Variants in CNKSR3 observed in about 807,000 individuals in gnomAD.
CNKSR3 encodes the protein connector enhancer of kinase suppressor of ras 3.
In CNKSR3, 36 loss-of-function variants were observed where a neutral mutation model predicts 67.7. The observed-to-expected ratio is 0.53, with a 90% CI of 0.41 to 0.70. The LOEUF is 0.70. Among genes scored for constraint, CNKSR3 ranks in the 30% least tolerant of loss-of-function variants. The pLI is 0.00. For synonymous variants in CNKSR3, 281 were observed against 271.4 expected (o/e 1.04, Z -0.35); for missense variants, 630 against 695.2 (o/e 0.91, Z 1.05).
chr6:154,401,488 A>T lies in CNKSR3; in HGVS notation c.*4866T>A. On this transcript the variant is annotated 3_prime_UTR_variant, in exon 13 of 13. Coordinates refer to ENST00000607772, the MANE Select transcript of CNKSR3 (RefSeq NM_173515.4). ...GAACGGTGAGAAATTTCTGTCATTT[A>T]AGCTACCCAGTGTATGGTATTTTGT... 6.5e-6 allele frequency: 1 copy of T among 152,880 alleles called. No homozygotes were observed. Among genetic ancestry groups the T allele is most frequent in the East Asian group, 1.9e-4 (1 of 5,238 alleles). The allele number at this position is 152,880 out of a possible 1,614,324, so 9.5% of individuals were successfully genotyped here. A position where few individuals can be genotyped will look rare whatever the true frequency, so the allele number is the denominator to read the frequency against.
intron 1 of CNKSR3, among the ~76,000 whole-genome samples, chr6:154,504,042 TA>T (rs1183140341): frequency 6.6e-6 from 1 of 152,216 alleles, no homozygotes; most frequent in Admixed American, 6.5e-5. Flanking sequence ...TCTGCATCTC[TA>T]ACAAGCTCCC....
chr6:154,456,496 G>A (rs1456810506), intron 1 of CNKSR3, among the ~76,000 whole-genome samples: 4 of 149,430 alleles, frequency 2.7e-5, no homozygotes, highest in African/African-American at 4.9e-5. Flanking sequence ...TCAGGAGTTC[G>A]AGACGAGCCT....
At chr6:154,430,722 C>G in intron 5 of CNKSR3, 131 bp from the exon 6 acceptor site, 1 of 793,624 alleles carries the variant, frequency 1.3e-6, no homozygotes, top group African/African-American at 1.7e-5. Flanking sequence ...TAATTCTGCT[C>G]AGTGAATGCA....
intron 1 of CNKSR3, among the ~76,000 whole-genome samples, chr6:154,490,554 C>T (rs1375565943): frequency 6.6e-6 from 1 of 152,110 alleles, no homozygotes; most frequent in Non-Finnish European, 1.5e-5. Context: ...GATACAAATA[C>T]ACACACAGTT....
chr6:154,436,181 C>T (rs1391300406), intron 4 of CNKSR3, among the ~76,000 whole-genome samples: 1 of 152,120 alleles, frequency 6.6e-6, no homozygotes, highest in Non-Finnish European at 1.5e-5. Flanking sequence ...GCTTTCTTCT[C>T]GTGTATGTGA....
chr6:154,395,253 T>C lies in CNKSR3; in HGVS notation c.*11101A>G, dbSNP rs936957934. The C allele has an allele frequency of 2.0e-5, 3 of 152,214 alleles. No homozygotes were observed. The highest frequency in any genetic ancestry group is 7.2e-5 in the African/African-American group (3 of 41,444). 9.4% of individuals were successfully genotyped at this position (152,214 alleles called of 1,614,324 possible). ...CATGTAATGAGTGAAGGGTAGTCTATGTTTCCAGTTAATTCTACAAGAGTG... is the reference window on the plus strand; with the variant it reads ...CATGTAATGAGTGAAGGGTAGTCTACGTTTCCAGTTAATTCTACAAGAGTG... On this transcript the variant is annotated 3_prime_UTR_variant, in exon 13 of 13. Coordinates refer to ENST00000607772, the MANE Select transcript of CNKSR3 (RefSeq NM_173515.4).
chr6:154,422,481 G>A (rs1785165231), intron 9 of CNKSR3, 25 bp downstream of exon 9: 1 of 1,605,164 alleles, frequency 6.2e-7, no homozygotes, highest in East Asian at 2.2e-5. Flanking sequence ...TTGTTGGATG[G>A]AGGTTTACAG....
intron 1 of CNKSR3, among the ~76,000 whole-genome samples, chr6:154,459,103 G>GAGAA (rs941182999): frequency 6.8e-6 from 1 of 146,570 alleles, no homozygotes; most frequent in Non-Finnish European, 1.5e-5. Context: ...AAAAGAAAGA[G>GAGAA]AGAAAGAAAG....
chr6:154,410,606 A>G (rs1283582132), intron 11 of CNKSR3, among the ~76,000 whole-genome samples, 174 bp from the exon 12 acceptor site: 2 of 152,226 alleles, frequency 1.3e-5, no homozygotes, highest in Non-Finnish European at 2.9e-5. Flanking sequence ...CAGGAAATAG[A>G]GTGCTACTAA....
chr6:154,427,695 T>C (rs529149723), intron 7 of CNKSR3, among the ~76,000 whole-genome samples: 1 of 152,180 alleles, frequency 6.6e-6, no homozygotes, highest in South Asian at 2.1e-4. Flanking sequence ...AACACAACTA[T>C]AAAAATATGT....
chr6:154,510,256 G>A lies in CNKSR3; in HGVS notation c.-142C>T. 1 of 869,746 alleles carries A rather than the reference G, an allele frequency of 1.1e-6. No homozygotes were observed. Among genetic ancestry groups the A allele is most frequent in the Non-Finnish European group, 1.8e-6 (1 of 554,304 alleles). The allele number at this position is 869,746 out of a possible 1,614,324, so 53.9% of individuals were successfully genotyped here. A position where few individuals can be genotyped will look rare whatever the true frequency, so the allele number is the denominator to read the frequency against. On this transcript the variant is annotated 5_prime_UTR_variant, in exon 1 of 13. Transcript: ENST00000607772. ...ACTCCGTCAAGACTGCATGGCCGCGGTCAGCCAGTCGTCCCAGCGCGGCTC... is the reference window on the plus strand; with the variant it reads ...ACTCCGTCAAGACTGCATGGCCGCGATCAGCCAGTCGTCCCAGCGCGGCTC...
At chr6:154,423,004 C>G in intron 7 of CNKSR3, 21 bp from the exon 8 acceptor site, 6 of 1,539,408 alleles carry the variant, frequency 3.9e-6, no homozygotes, top group Non-Finnish European at 5.3e-6. Context: ...ACAAAATAAC[C>G]TGCCTTAATT....
At chr6:154,419,942 T>A (rs1785104902) in intron 9 of CNKSR3, among the ~76,000 whole-genome samples, 1 of 151,996 alleles carries the variant, frequency 6.6e-6, no homozygotes, top group South Asian at 2.1e-4. Flanking sequence ...TAGCTGGGCG[T>A]AGTGGCGGGC....
chr6:154,462,772 C>T (rs1174570874), intron 1 of CNKSR3, among the ~76,000 whole-genome samples: 1 of 152,206 alleles, frequency 6.6e-6, no homozygotes. Flanking sequence ...GCCCAGCATT[C>T]TGTTATTCGC....
intron 7 of CNKSR3, among the ~76,000 whole-genome samples, chr6:154,423,517 C>A (rs1275508514): frequency 6.6e-6 from 1 of 152,150 alleles, no homozygotes; most frequent in Non-Finnish European, 1.5e-5. Flanking sequence ...CTCAGCCTCC[C>A]AAAGTGCTGG....
chr6:154,418,415 T>C (rs564869149), intron 9 of CNKSR3, among the ~76,000 whole-genome samples: 1 of 152,314 alleles, frequency 6.6e-6, no homozygotes, highest in Admixed American at 6.5e-5. Flanking sequence ...TGGTGGTCTA[T>C]CTATGTTTTG....
rs1228600721 is a variant in CNKSR3 at position 154,405,047 on chromosome 6, G to A, written c.*1307C>T. The stretch of plus-strand genomic sequence containing the variant: ...AGGGCATTTTGGAGTAGGAGATTTC[G>A]GCTCTGCCTAGGAAGATACCTCAGA... On this transcript the variant is annotated 3_prime_UTR_variant, in exon 13 of 13. Coordinates refer to ENST00000607772, the MANE Select transcript of CNKSR3 (RefSeq NM_173515.4). The A allele has an allele frequency of 1.3e-5, 2 of 152,108 alleles. No individual in the cohort carries two copies. Among genetic ancestry groups the A allele is most frequent in the African/African-American group, 2.4e-5 (1 of 41,392 alleles). The allele number at this position is 152,108 out of a possible 1,614,324, so 9.4% of individuals were successfully genotyped here.
intron 3 of CNKSR3, among the ~76,000 whole-genome samples, chr6:154,441,662 A>T (rs1188057118): frequency 1.3e-5 from 2 of 152,090 alleles, no homozygotes; most frequent in Non-Finnish European, 2.9e-5. Context: ...TTTTGTATTA[A>T]ATTAGTTTTT....
rs999109533 is a variant in CNKSR3 at position 154,399,092 on chromosome 6, A to C, written c.*7262T>G. The stretch of plus-strand genomic sequence containing the variant: ...GAAACTCCGTCTCAAAAAAAAAAAA[A>C]AAAGTGTGTCCAATCACAGACTTTT... On this transcript the variant is annotated 3_prime_UTR_variant, in exon 13 of 13. Coordinates refer to ENST00000607772, the MANE Select transcript of CNKSR3 (RefSeq NM_173515.4). The C allele has an allele frequency of 6.6e-6, 1 of 152,202 alleles. No homozygotes were observed. Among genetic ancestry groups the C allele is most frequent in the Non-Finnish European group, 1.5e-5 (1 of 68,078 alleles). The allele number at this position is 152,202 out of a possible 1,614,324, so 9.4% of individuals were successfully genotyped here.
Sources: gnomAD v4.1 joint callset for allele counts (sites outside exome capture counted in the v4.1 genomes callset) on GRCh38, gnomAD v4.1.1 for gene constraint, MANE v1.5 for transcripts, NCBI Gene and HGNC (gene_info 2026-07-23, HGNC 2026-07-21) for gene names.